PARD6B: variants seen among roughly 807,000 people sequenced by gnomAD.
The protein encoded by PARD6B is par-6 family cell polarity regulator beta.
A neutral mutation model predicts 10.5 loss-of-function variants in PARD6B; 4 were observed. The observed-to-expected ratio is 0.38, with a 90% confidence interval of 0.19 to 0.87. PARD6B has a LOEUF of 0.87. PARD6B is among the 40% of genes least tolerant of loss of function. PARD6B has a pLI of 0.41. For missense variants in PARD6B, 396 were observed against 470.6 expected, an observed-to-expected ratio of 0.84 and a Z score of 1.47; for synonymous variants, 169 against 170.4, an observed-to-expected ratio of 0.99 and a Z score of 0.07.
chr20:50,749,739 A>G lies in PARD6B; in HGVS notation c.370A>G (p.Asn124Asp). The G allele has an allele frequency of 6.2e-7, 1 of 1,614,174 alleles. No homozygotes were observed. ...NVLTNVLRPD[N>D]HRKKPHIVIS... ...TTTAACCAACGTATTGCGTCCTGACAACCATAGAAAAAAGCCACATATAGT... is the reference window on the plus strand; with the variant it reads ...TTTAACCAACGTATTGCGTCCTGACGACCATAGAAAAAAGCCACATATAGT... Residue 124 changes from asparagine to aspartate, a missense_variant, in exon 3 of 3, where the codon AAC becomes GAC. This residue lies in a region of PARD6B where 208 missense variants were observed against 300.9 expected (regional missense o/e 0.69). Coordinates refer to ENST00000371610, the MANE Select transcript of PARD6B (RefSeq NM_032521.3).
At chr20:50,743,548 G>T (rs117619410) in intron 2 of PARD6B, among the ~76,000 whole-genome samples, 1,657 of 152,124 alleles carry the variant, frequency 0.011, 13 homozygotes, top group Non-Finnish European at 0.017. Flanking sequence ...GTTGTCTAAG[G>T]AATATACATT....
Position 50,749,902 on chromosome 20 carries a change from G to A in PARD6B, c.533G>A (p.Ser178Asn). The A allele has an allele frequency of 6.2e-7, 1 of 1,614,226 alleles. No individual in the cohort carries two copies. Among genetic ancestry groups the A allele is most frequent in the Non-Finnish European group, 8.5e-7 (1 of 1,180,046 alleles). Residue 178 changes from serine to asparagine, a missense_variant, in exon 3 of 3, where the codon AGT (serine) becomes AAT (asparagine). Ser to Asn is a conservative substitution (Grantham distance 46). Transcript: ENST00000371610. The stretch of plus-strand genomic sequence containing the variant: ...GGATTCTACATCCGGGATGGCTCCA[G>A]TGTCAGGGTAACACCACATGGCTTA... ...PLGFYIRDGS[S>N]VRVTPHGLEK...
Position 50,731,682 on chromosome 20 carries a change from C to A in PARD6B, c.-105C>A. 9.3e-7 allele frequency: 1 copy of A among 1,076,228 alleles called. No individual in the cohort carries two copies. Among genetic ancestry groups the A allele is most frequent in the Non-Finnish European group, 1.2e-6 (1 of 813,598 alleles). 66.7% of individuals were successfully genotyped at this position (1,076,228 alleles called of 1,614,324 possible). A position where few individuals can be genotyped will look rare whatever the true frequency, so the allele number is the denominator to read the frequency against. On this transcript the variant is annotated 5_prime_UTR_variant, in exon 1 of 3. Transcript: ENST00000371610. Reference sequence around the variant, plus strand: ...CTCTGCAGGTGCCTGTGAGGAGGCGCCCGGGCCGCAACCGCTTTCCGAGAT... The same window carrying A: ...CTCTGCAGGTGCCTGTGAGGAGGCGACCGGGCCGCAACCGCTTTCCGAGAT...
chr20:50,747,485 C>CTTTTTTTTTTTTTTTTTT (rs2087574374), intron 2 of PARD6B, among the ~76,000 whole-genome samples: 3 of 35,932 alleles, frequency 8.3e-5, no homozygotes, highest in African/African-American at 2.1e-4. Context: ...TTTTTTCTTT[C>CTTTTTTTTTTTTTTTTTT]TTTCTTTTTT....
At chr20:50,732,208 C>G (rs1399634189) in intron 1 of PARD6B, among the ~76,000 whole-genome samples, 1 of 152,244 alleles carries the variant, frequency 6.6e-6, no homozygotes, top group African/African-American at 2.4e-5. Flanking sequence ...ATCCTGCCTG[C>G]TGGGCTGTGA....
intron 2 of PARD6B, among the ~76,000 whole-genome samples, chr20:50,741,404 C>CTCCACCT (rs1226437379): frequency 1.3e-5 from 2 of 152,094 alleles, no homozygotes; most frequent in Non-Finnish European, 2.9e-5. Flanking sequence ...AACTAAAGCC[C>CTCCACCT]TCCACCTTCC....
intron 2 of PARD6B, among the ~76,000 whole-genome samples, chr20:50,746,311 C>T (rs893590443): frequency 6.6e-6 from 1 of 152,166 alleles, no homozygotes; most frequent in African/African-American, 2.4e-5. Context: ...GTAAGACATC[C>T]AGTTTGACTA....
At chr20:50,733,638 C>A (rs897353151) in intron 1 of PARD6B, among the ~76,000 whole-genome samples, 1 of 152,104 alleles carries the variant, frequency 6.6e-6, no homozygotes, top group African/African-American at 2.4e-5. Context: ...TTTCCTTTAG[C>A]GGTATGGTGG....
chr20:50,748,498 A>T (rs1295926392), intron 2 of PARD6B, among the ~76,000 whole-genome samples: 1 of 152,252 alleles, frequency 6.6e-6, no homozygotes, highest in East Asian at 1.9e-4. Context: ...TACCTTGAGA[A>T]TCAAATATCC....
In PARD6B at chr20:50,750,475, T is replaced by C; in HGVS notation, c.1106T>C (p.Ile369Thr). Reference sequence around the variant, plus strand: ...AAACTCTTAGAAGAAGATGGAACAATCATAACATTATGAAACCGTGGTTTG... The same window carrying C: ...AAACTCTTAGAAGAAGATGGAACAACCATAACATTATGAAACCGTGGTTTG... ...DQKLLEEDGTIITL is the reference protein window; with the variant it reads ...DQKLLEEDGTTITL The change falls in exon 3 of 3, where the codon ATC becomes ACC. Residue 369 changes from isoleucine (I) to threonine (T), a missense_variant. Physicochemically the swap from Ile to Thr is moderately conservative, Grantham distance 89. Transcript: ENST00000371610. 1.2e-6 allele frequency: 2 copies of C among 1,611,828 alleles called. No individual in the cohort carries two copies. The highest frequency in any genetic ancestry group is 1.7e-6 in the Non-Finnish European group (2 of 1,178,654).
chr20:50,740,362 A>G (rs1276037022), intron 2 of PARD6B, among the ~76,000 whole-genome samples: 1 of 152,170 alleles, frequency 6.6e-6, no homozygotes, highest in Non-Finnish European at 1.5e-5. Context: ...TGTGCATTCA[A>G]ATATAGAGTG....
chr20:50,734,689 T>A (rs1258838283), intron 1 of PARD6B, among the ~76,000 whole-genome samples: 1 of 152,084 alleles, frequency 6.6e-6, no homozygotes, highest in African/African-American at 2.4e-5. Flanking sequence ...ATTTTCAATT[T>A]TTTTTTATCT....
intron 2 of PARD6B, among the ~76,000 whole-genome samples, chr20:50,743,019 G>A (rs569187459): frequency 8.5e-5 from 13 of 152,266 alleles, no homozygotes; most frequent in African/African-American, 3.1e-4. Context: ...TTCGGGAGAT[G>A]GGGAAGAGAA....
rs2087623638 is a variant in PARD6B, at chr20:50,753,077, T to TC, written c.*2589_*2590insC. On this transcript the variant is annotated 3_prime_UTR_variant, in exon 3 of 3. Transcript: ENST00000371610. ...ATATTTTTACACACTACCTCTCTCT[T>TC]TTTTTTTTTAAAGTTTTAACATCAG... The TC allele has an allele frequency of 1.7e-5, 14 of 837,698 alleles. No homozygotes were observed. The South Asian group carries it at 1.8e-4, about 11-fold the overall frequency. 51.9% of individuals were successfully genotyped at this position (837,698 alleles called of 1,614,324 possible). A position where few individuals can be genotyped will look rare whatever the true frequency, so the allele number is the denominator to read the frequency against.
At chr20:50,741,718 T>A (rs2087531684) in intron 2 of PARD6B, among the ~76,000 whole-genome samples, 1 of 151,974 alleles carries the variant, frequency 6.6e-6, no homozygotes, top group South Asian at 2.1e-4. Flanking sequence ...ATTTTTTTTT[T>A]TGTATTGTTA....
Position 50,751,509 on chromosome 20 carries a change from C to T in PARD6B, c.*1021C>T. The stretch of plus-strand genomic sequence containing the variant: ...TAGCTGGGACTACAGGCGCCTGCCA[C>T]CATGCCTGGCTAATTTTTAGTAGAG... On this transcript the variant is annotated 3_prime_UTR_variant, in exon 3 of 3. Coordinates refer to ENST00000371610, the MANE Select transcript of PARD6B (RefSeq NM_032521.3). 1.3e-6 allele frequency: 1 copy of T among 772,088 alleles called. No individual in the cohort carries two copies. Among genetic ancestry groups the T allele is most frequent in the Non-Finnish European group, 1.6e-6 (1 of 636,306 alleles). The allele number at this position is 772,088 out of a possible 1,614,324, so 47.8% of individuals were successfully genotyped here. A position where few individuals can be genotyped will look rare whatever the true frequency, so the allele number is the denominator to read the frequency against.
Position 50,731,798 on chromosome 20 carries a change from C to T in PARD6B, c.12C>T (p.Ser4=), listed in dbSNP as rs953638722. Residue 4 remains serine, a synonymous_variant, in exon 1 of 3, where the codon AGC becomes AGT. Transcript: ENST00000371610. ...GCTCGGCGTTCAGCATGAACCGCAGCCACCGGCACGGGGCGGGCAGCGGCT... is the reference window on the plus strand; with the variant it reads ...GCTCGGCGTTCAGCATGAACCGCAGTCACCGGCACGGGGCGGGCAGCGGCT... MNR[S]HRHGAGSGCL... 1.8e-5 allele frequency: 26 copies of T among 1,462,644 alleles called. No homozygotes were observed. The highest frequency in any genetic ancestry group is 2.3e-4 in the Middle Eastern group (1 of 4,292). 90.6% of individuals were successfully genotyped at this position (1,462,644 alleles called of 1,614,324 possible).
Position 50,750,339 on chromosome 20 carries a change from G to T in PARD6B, c.970G>T (p.Glu324Ter). 1 of 1,614,184 alleles carries T rather than the reference G, an allele frequency of 6.2e-7. No individual in the cohort carries two copies. Among genetic ancestry groups the T allele is most frequent in the East Asian group, 2.2e-5 (1 of 44,890 alleles). ...GAGCCTGGAGTCATTAACACAGATA[G>T]AGCTAAGCTTTGAGTCTGGACAGAA... ...TESLESLTQI[E>*]LSFESGQNGF... is the part of the protein sequence containing the mutation. The change falls in exon 3 of 3, where the codon GAG becomes TAG. Residue 324 changes from glutamate to a stop codon, truncating the protein, a stop_gained. Coordinates refer to ENST00000371610, the MANE Select transcript of PARD6B (RefSeq NM_032521.3). LOFTEE classifies it low-confidence loss of function (END_TRUNC).
At chr20:50,743,991 T>C (rs989485242) in intron 2 of PARD6B, among the ~76,000 whole-genome samples, 3 of 152,054 alleles carry the variant, frequency 2.0e-5, no homozygotes, top group African/African-American at 4.8e-5. Flanking sequence ...ACCTATTTTT[T>C]AGTCAGTCAC....
Sources: gnomAD v4.1 joint callset for allele counts (sites outside exome capture counted in the v4.1 genomes callset) on GRCh38, gnomAD v4.1.1 for gene constraint, gnomAD v4.1.1 regional missense constraint, MANE v1.5 for transcripts, NCBI Gene and HGNC (gene_info 2026-07-23, HGNC 2026-07-21) for gene names.